NEK11: variants seen among roughly 807,000 people sequenced by gnomAD.
NEK11 encodes serine/threonine-protein kinase Nek11.
In NEK11, 72 loss-of-function variants were observed where a neutral mutation model predicts 80.7. The ratio of observed to expected loss-of-function variants is 0.89; its 90% confidence interval spans 0.74 to 1.08. The LOEUF (loss-of-function observed/expected upper bound fraction) is 1.08, where lower values mean the gene tolerates loss of function less well. NEK11 is among the 50% of genes least tolerant of loss of function. The pLI, the probability that NEK11 is intolerant of heterozygous loss-of-function variation, is 0.00. For synonymous variants in NEK11, 251 were observed against 260.7 expected (o/e 0.96, Z 0.36); for missense variants, 764 against 763.6 (o/e 1.00, Z -0.01).
At chr3:131,278,801 A>G (rs957035520) in intron 17 of NEK11, among the ~76,000 whole-genome samples, 15 of 152,116 alleles carry the variant, frequency 9.9e-5, no homozygotes, top group African/African-American at 3.6e-4. Context: ...TACATCAAGT[A>G]AGACCACTGG....
At chr3:131,200,507 T>C (rs1406424107) in intron 14 of NEK11, among the ~76,000 whole-genome samples, 2 of 152,230 alleles carry the variant, frequency 1.3e-5, no homozygotes, top group East Asian at 3.8e-4. Flanking sequence ...TGTATGCTTA[T>C]GTGTGAAACC....
intron 5 of NEK11, among the ~76,000 whole-genome samples, chr3:131,117,744 G>T (rs1021678303): frequency 1.3e-5 from 2 of 152,164 alleles, no homozygotes; most frequent in African/African-American, 4.8e-5. Context: ...AAGCAATTGT[G>T]AATGGGAATT....
At chr3:131,037,543 A>C (rs2065838446) in intron 3 of NEK11, among the ~76,000 whole-genome samples, 1 of 152,210 alleles carries the variant, frequency 6.6e-6, no homozygotes, top group African/African-American at 2.4e-5. Context: ...TGGTCTCCCA[A>C]AGTGCTGGGA....
intron 17 of NEK11, among the ~76,000 whole-genome samples, chr3:131,298,999 G>A (rs2096632445): frequency 6.7e-6 from 1 of 149,258 alleles, no homozygotes; most frequent in African/African-American, 2.5e-5. Flanking sequence ...ACATCCTCAA[G>A]CTCAGAGATT....
intron 7 of NEK11, among the ~76,000 whole-genome samples, chr3:131,142,063 C>T (rs916236297): frequency 6.6e-6 from 1 of 152,206 alleles, no homozygotes; most frequent in African/African-American, 2.4e-5. Flanking sequence ...CAGTTGCAGT[C>T]CTGCTCTGAT....
intron 16 of NEK11, among the ~76,000 whole-genome samples, chr3:131,248,243 T>A (rs1378856068): frequency 1.3e-5 from 2 of 152,074 alleles, no homozygotes; most frequent in Non-Finnish European, 2.9e-5. Context: ...ATATATGGCC[T>A]TTATTATTTT....
At position 131,113,637 on chromosome 3, in the gene NEK11, G is replaced by A. The variant is rs373265629; in HGVS notation, c.455+3716G>A. ...GGGAAAAAAAGAAAAAGCAGGCCGG[G>A]CACAGTGGCTCACGTCTGTAATCCC... On this transcript the variant is annotated intron_variant, in intron 5 of 17. Coordinates refer to ENST00000383366, the MANE Select transcript of NEK11 (RefSeq NM_024800.5). Among the ~76,000 whole-genome samples the A allele has an allele frequency of 2.0e-4, 30 of 152,226 alleles. No homozygotes were observed. The South Asian group carries it at 5.8e-3, about 29-fold the overall frequency.
intron 14 of NEK11, among the ~76,000 whole-genome samples, chr3:131,180,511 ATATTT>A (rs1379735460): frequency 3.3e-5 from 5 of 152,294 alleles, no homozygotes; most frequent in African/African-American, 9.6e-5. Context: ...GACAAAAACA[ATATTT>A]TATTTAGTTT....
intron 7 of NEK11, among the ~76,000 whole-genome samples, chr3:131,149,756 C>T (rs1287840054): frequency 4.0e-5 from 6 of 151,600 alleles, no homozygotes; most frequent in African/African-American, 1.5e-4. Context: ...GTGTTTTTTT[C>T]TGATTTTCTT....
chr3:131,122,826 G>A (rs2082624245), intron 5 of NEK11, among the ~76,000 whole-genome samples: 1 of 152,152 alleles, frequency 6.6e-6, no homozygotes, highest in Admixed American at 6.5e-5. Flanking sequence ...CTGGATGCTG[G>A]GGAAGAATGA....
intron 17 of NEK11, among the ~76,000 whole-genome samples, chr3:131,317,631 G>A (rs1157537027): frequency 5.9e-5 from 9 of 151,376 alleles, no homozygotes; most frequent in African/African-American, 1.9e-4. Flanking sequence ...GTGGTGGCTC[G>A]TGCTTGTAAT....
chr3:131,120,568 A>G (rs2082192807), intron 5 of NEK11, among the ~76,000 whole-genome samples: 1 of 152,108 alleles, frequency 6.6e-6, no homozygotes, highest in Admixed American at 6.5e-5. Flanking sequence ...TATCCTGAAG[A>G]GTGTTTTCCA....
intron 16 of NEK11, among the ~76,000 whole-genome samples, chr3:131,252,537 G>A (rs1333643616): frequency 6.6e-6 from 1 of 152,106 alleles, no homozygotes; most frequent in Admixed American, 6.6e-5. Context: ...CATCACAGAT[G>A]AGTGGACTGA....
intron 17 of NEK11, among the ~76,000 whole-genome samples, chr3:131,313,461 C>T (rs898458502): frequency 6.6e-6 from 1 of 152,178 alleles, no homozygotes; most frequent in Non-Finnish European, 1.5e-5. Context: ...TCTCTTTTCT[C>T]TGCAACCTCA....
intron 17 of NEK11, among the ~76,000 whole-genome samples, chr3:131,280,283 G>A (rs954426569): frequency 3.3e-5 from 5 of 152,216 alleles, no homozygotes; most frequent in Admixed American, 2.6e-4. Flanking sequence ...ATCTTTGTAG[G>A]GATACGTGTT....
intron 15 of NEK11, among the ~76,000 whole-genome samples, chr3:131,240,088 AT>A (rs566361258): frequency 8.6e-4 from 131 of 151,554 alleles, no homozygotes; most frequent in South Asian, 1.5e-3. Context: ...AGTCAATGTA[AT>A]TTTTTTTTCC....
At chr3:131,068,382 A>C (rs1403116273) in intron 3 of NEK11, among the ~76,000 whole-genome samples, 2 of 152,232 alleles carry the variant, frequency 1.3e-5, no homozygotes, top group African/African-American at 4.8e-5. Context: ...AATAAAATTC[A>C]AGAAGCACTG....
intron 5 of NEK11, among the ~76,000 whole-genome samples, chr3:131,118,827 A>G (rs2081806549): frequency 6.6e-6 from 1 of 151,636 alleles, no homozygotes; most frequent in East Asian, 1.9e-4. Context: ...TATCCCCTTT[A>G]TCATTTTTTT....
At chr3:131,068,308 C>T (rs1005104556) in intron 3 of NEK11, among the ~76,000 whole-genome samples, 1 of 152,160 alleles carries the variant, frequency 6.6e-6, no homozygotes, top group African/African-American at 2.4e-5. Flanking sequence ...GCTCTCAGGC[C>T]CCACTCTAGA....
Sources: gnomAD v4.1 joint callset for allele counts (sites outside exome capture counted in the v4.1 genomes callset) on GRCh38, gnomAD v4.1.1 for gene constraint, MANE v1.5 for transcripts, NCBI Gene and HGNC (gene_info 2026-07-23, HGNC 2026-07-21) for gene names.